Variants in KCNU1 observed in about 807,000 individuals in gnomAD.
The protein encoded by KCNU1 is potassium channel subfamily U member 1.
Under a neutral mutation model 126.8 loss-of-function variants are expected in KCNU1, and 93 were observed. The observed-to-expected ratio is 0.73, with a 90% CI of 0.62 to 0.87. KCNU1 has a LOEUF of 0.87. Among genes scored for constraint, KCNU1 ranks in the 40% least tolerant of loss-of-function variants. KCNU1 has a pLI of 0.00. For missense variants in KCNU1, 1,330 were observed against 1,367.1 expected (o/e 0.97, Z 0.43); for synonymous variants, 523 against 494.2 (o/e 1.06, Z -0.77).
chr8:36,906,150 G>A (rs892382905), intron 20 of KCNU1, among the ~76,000 whole-genome samples: 25 of 150,086 alleles, frequency 1.7e-4, no homozygotes, highest in African/African-American at 6.1e-4. Context: ...AATGCACCAG[G>A]GAAACCTACT....
intron 19 of KCNU1, among the ~76,000 whole-genome samples, chr8:36,885,659 G>A (rs930203792): frequency 3.9e-5 from 6 of 152,148 alleles, no homozygotes; most frequent in Non-Finnish European, 8.8e-5. Flanking sequence ...TGGTCATGGT[G>A]GTGGGCGCTT....
chr8:36,895,820 G>A (rs1563321555), intron 19 of KCNU1, among the ~76,000 whole-genome samples: 2 of 152,036 alleles, frequency 1.3e-5, no homozygotes, highest in South Asian at 2.1e-4. Flanking sequence ...TTCATTGCAA[G>A]TGATTAATCT....
intron 16 of KCNU1, among the ~76,000 whole-genome samples, chr8:36,844,609 G>C (rs1805076507): frequency 6.6e-6 from 1 of 152,160 alleles, no homozygotes; most frequent in African/African-American, 2.4e-5. Context: ...TCTATTCTTG[G>C]CATAAGGCTG....
intron 16 of KCNU1, among the ~76,000 whole-genome samples, chr8:36,842,826 C>A (rs1268149678): frequency 6.6e-6 from 1 of 152,112 alleles, no homozygotes; most frequent in Non-Finnish European, 1.5e-5. Context: ...GTGTGCACCA[C>A]ACCCGGTTAA....
chr8:36,817,124 TTGAGA>T (rs1375761645), intron 9 of KCNU1, among the ~76,000 whole-genome samples: 1 of 152,194 alleles, frequency 6.6e-6, no homozygotes, highest in African/African-American at 2.4e-5. Flanking sequence ...CATATTCTAC[TTGAGA>T]TGAGATAGAA....
intron 26 of KCNU1, among the ~76,000 whole-genome samples, chr8:36,934,177 C>T (rs1009202643): frequency 1.3e-5 from 2 of 151,982 alleles, no homozygotes; most frequent in Non-Finnish European, 2.9e-5. Context: ...ACAGCTAGGA[C>T]ACGGCCAGGA....
chr8:36,814,144 T>C, intron 7 of KCNU1, 63 bp from the exon 8 acceptor site: 1 of 1,297,476 alleles, frequency 7.7e-7, no homozygotes, highest in Non-Finnish European at 1.1e-6. Context: ...GTTTTGCCTA[T>C]TCTTTAAAAA....
At chr8:36,806,210 T>C (rs1283587669) in intron 4 of KCNU1, 59 bp from the exon 5 acceptor site, 2 of 995,832 alleles carry the variant, frequency 2.0e-6, no homozygotes, top group Middle Eastern at 2.1e-4. Context: ...TGCTATCTAG[T>C]GTTCACTTAA....
At chr8:36,927,804 T>C (rs1368997851) in intron 24 of KCNU1, among the ~76,000 whole-genome samples, 3 of 152,024 alleles carry the variant, frequency 2.0e-5, no homozygotes, top group East Asian at 1.9e-4. Context: ...TTCCAGTAAA[T>C]AAGATGATAT....
chr8:36,928,945 C>T (rs1285442895), intron 24 of KCNU1: 5 of 689,984 alleles, frequency 7.2e-6, no homozygotes, highest in Admixed American at 2.1e-5. Flanking sequence ...ATTAATATCA[C>T]TTCAGATGAT....
chr8:36,934,349 G>A (rs1048703244), intron 26 of KCNU1, among the ~76,000 whole-genome samples: 3 of 152,044 alleles, frequency 2.0e-5, no homozygotes, highest in Non-Finnish European at 4.4e-5. Context: ...AATAAGCATC[G>A]AGGTCTACAG....
At chr8:36,810,987 A>G (rs923847695) in intron 7 of KCNU1, among the ~76,000 whole-genome samples, 1 of 152,216 alleles carries the variant, frequency 6.6e-6, no homozygotes. Context: ...GGGCCAAAAG[A>G]TATCAGAGAA....
intron 24 of KCNU1, chr8:36,929,012 A>G (rs1289838403): frequency 1.7e-5 from 12 of 699,872 alleles, no homozygotes; most frequent in Non-Finnish European, 3.1e-5. Context: ...TGTGCAGTAT[A>G]TTTTACTTAA....
chr8:36,930,443 C>A (rs1219080705), intron 24 of KCNU1, among the ~76,000 whole-genome samples: 2 of 152,040 alleles, frequency 1.3e-5, no homozygotes, highest in Admixed American at 6.6e-5. Flanking sequence ...ACTAATAAGA[C>A]CTATGTCAAT....
At chr8:36,910,818 G>A in intron 21 of KCNU1, 112 bp from the exon 22 acceptor site, 3 of 667,810 alleles carry the variant, frequency 4.5e-6, no homozygotes, top group East Asian at 2.6e-5. Context: ...GTCAGCAAAG[G>A]TTGGAGCTCA....
intron 23 of KCNU1, among the ~76,000 whole-genome samples, chr8:36,919,697 T>C (rs1420046977): frequency 1.3e-5 from 2 of 152,198 alleles, no homozygotes; most frequent in African/African-American, 4.8e-5. Context: ...TAGCGCAGAT[T>C]GAACCAATTC....
chr8:36,907,057 A>C (rs917348101), intron 20 of KCNU1, among the ~76,000 whole-genome samples: 2 of 152,140 alleles, frequency 1.3e-5, no homozygotes, highest in Non-Finnish European at 2.9e-5. Flanking sequence ...TTCCCTTATG[A>C]TACTTGATAT....
At chr8:36,873,120 C>A (rs1294351391) in intron 19 of KCNU1, among the ~76,000 whole-genome samples, 1 of 152,114 alleles carries the variant, frequency 6.6e-6, no homozygotes, top group East Asian at 1.9e-4. Flanking sequence ...AAAACCCCAA[C>A]AATTTACATC....
chr8:36,801,303 C>T (rs889170617), intron 2 of KCNU1, among the ~76,000 whole-genome samples: 6 of 152,118 alleles, frequency 3.9e-5, no homozygotes, highest in African/African-American at 9.7e-5. Flanking sequence ...TCTTTCCTCT[C>T]GTTAGTGTCC....
Sources: gnomAD v4.1 joint callset for allele counts (sites outside exome capture counted in the v4.1 genomes callset) on GRCh38, gnomAD v4.1.1 for gene constraint, MANE v1.5 for transcripts, NCBI Gene and HGNC (gene_info 2026-07-23, HGNC 2026-07-21) for gene names.